Variants in SOBP observed in about 807,000 individuals in gnomAD.
SOBP encodes sine oculis binding protein homolog, also known as sine oculis-binding protein homolog.
SOBP carries 4 observed loss-of-function variants against 53.6 expected under a neutral mutation model. The observed-to-expected ratio is 0.07, with a 90% CI of 0.04 to 0.17. SOBP has a LOEUF of 0.17. Among genes scored for constraint, SOBP ranks in the 10% least tolerant of loss-of-function variants. The pLI is 1.00. For synonymous variants in SOBP, 584 were observed against 522.6 expected (o/e 1.12, Z -1.60); for missense variants, 1,088 against 1,204.7 (o/e 0.90, Z 1.43).
At chr6:107,543,400 A>G (rs1258283196) in intron 4 of SOBP, among the ~76,000 whole-genome samples, 3 of 152,210 alleles carry the variant, frequency 2.0e-5, no homozygotes, top group African/African-American at 7.2e-5. Context: ...GAGTCTTGAA[A>G]TTCATACTCA....
chr6:107,521,381 A>G (rs1053946146), intron 3 of SOBP, among the ~76,000 whole-genome samples: 3 of 152,252 alleles, frequency 2.0e-5, no homozygotes, highest in Admixed American at 6.5e-5. Flanking sequence ...TTAATTTGAG[A>G]AAGCTATGAA....
intron 4 of SOBP, among the ~76,000 whole-genome samples, chr6:107,575,018 C>T (rs1785185744): frequency 6.6e-6 from 1 of 152,218 alleles, no homozygotes; most frequent in African/African-American, 2.4e-5. Context: ...CTCATTGTCA[C>T]CATGCTGCTT....
At chr6:107,616,516 A>G (rs567659785) in intron 5 of SOBP, among the ~76,000 whole-genome samples, 2 of 152,172 alleles carry the variant, frequency 1.3e-5, no homozygotes, top group Non-Finnish European at 2.9e-5. Context: ...GGACTTTTCT[A>G]TTACTGGGGT....
intron 3 of SOBP, chr6:107,529,599 G>A (rs1280267035): frequency 1.0e-6 from 1 of 985,180 alleles, no homozygotes; most frequent in Non-Finnish European, 1.2e-6. Flanking sequence ...GATTTTCTTT[G>A]GGCACTGGTC....
At chr6:107,600,112 G>A (rs574251345) in intron 5 of SOBP, among the ~76,000 whole-genome samples, 7 of 152,226 alleles carry the variant, frequency 4.6e-5, no homozygotes, top group African/African-American at 1.7e-4. Flanking sequence ...CTCTGTCCTG[G>A]CTTTTTTCTT....
intron 4 of SOBP, among the ~76,000 whole-genome samples, chr6:107,549,526 T>C (rs1490114367): frequency 6.6e-6 from 1 of 152,044 alleles, no homozygotes; most frequent in Admixed American, 6.5e-5. Context: ...AAGAAGAAAG[T>C]TAAAGTGCCC....
intron 5 of SOBP, among the ~76,000 whole-genome samples, chr6:107,609,894 G>A (rs1786529296): frequency 6.6e-6 from 1 of 152,102 alleles, no homozygotes; most frequent in Non-Finnish European, 1.5e-5. Flanking sequence ...TAGTCATCTG[G>A]TGCTCTTTCA....
chr6:107,491,641 T>C (rs940833617), intron 1 of SOBP, among the ~76,000 whole-genome samples: 4 of 152,248 alleles, frequency 2.6e-5, no homozygotes, highest in Non-Finnish European at 5.9e-5. Context: ...TTATTCTGTG[T>C]TGATTTCACG....
intron 3 of SOBP, among the ~76,000 whole-genome samples, 179 bp from the exon 4 acceptor site, chr6:107,533,271 CAAAAAAAAA>C (rs762864049): frequency 8.8e-4 from 29 of 32,826 alleles, no homozygotes; most frequent in Admixed American, 2.4e-3. Context: ...ACTTAGGAGC[CAAAAAAAAA>C]AAAAAAAAAA....
In SOBP at chr6:107,633,979, C is replaced by A; in HGVS notation, c.1135C>A (p.Pro379Thr). The part of the protein sequence containing the change: ...PASIGPPLGV[P>T]PRSPPMVMTN... ...TAGCATCGGGCCTCCCCTTGGCGTC[C>A]CGCCTCGGAGCCCTCCCATGGTGAT... The change falls in exon 6 of 7, where the codon CCG (proline) becomes ACG (threonine). Residue 379 changes from proline (P) to threonine (T), a missense_variant. Physicochemically the swap from Pro to Thr is conservative, Grantham distance 38. Around this residue, in one of 6 missense-constraint regions of SOBP, gnomAD observed 211 missense variants for 258.9 expected, o/e 0.82. Transcript: ENST00000317357. The A allele has an allele frequency of 6.2e-7, 1 of 1,614,100 alleles. No individual in the cohort carries two copies. Among genetic ancestry groups the A allele is most frequent in the Non-Finnish European group, 8.5e-7 (1 of 1,180,006 alleles).
At chr6:107,490,837 G>A (rs1769152816) in intron 1 of SOBP, 125 bp downstream of exon 1, 3 of 721,454 alleles carry the variant, frequency 4.2e-6, no homozygotes, top group Non-Finnish European at 7.3e-6. Flanking sequence ...GCCCAGAACG[G>A]CTCCGCTCCT....
chr6:107,573,558 C>T (rs1785138593), intron 4 of SOBP, among the ~76,000 whole-genome samples: 3 of 152,156 alleles, frequency 2.0e-5, no homozygotes, highest in Non-Finnish European at 4.4e-5. Context: ...TCCTTTTCTC[C>T]ATCAGTGGTG....
chr6:107,542,119 T>G (rs1784165503), intron 4 of SOBP, among the ~76,000 whole-genome samples: 2 of 152,072 alleles, frequency 1.3e-5, no homozygotes, highest in Middle Eastern at 3.2e-3. Context: ...AAACATATCT[T>G]TGTAATATGA....
Position 107,634,643 on chromosome 6 carries a change from G to T in SOBP, c.1799G>T (p.Gly600Val). The part of the protein sequence containing the change: ...GSSKSADSPP[G>V]CSGQALSLAP... ...TCCAAGTCCGCGGACTCGCCCCCCG[G>T]CTGCTCGGGCCAGGCCCTGAGCCTG... The change falls in exon 6 of 7, where the codon GGC (glycine) becomes GTC (valine). Residue 600 changes from glycine to valine, a missense_variant. Gly to Val is a moderately radical substitution (Grantham distance 109). Coordinates refer to ENST00000317357, the MANE Select transcript of SOBP (RefSeq NM_018013.4). This position sits in a 1 kb window ranked among gnomAD's most constrained non-coding sequence, Gnocchi z 4.5. The T allele has an allele frequency of 6.4e-7, 1 of 1,571,152 alleles. No homozygotes were observed.
At chr6:107,532,268 CA>C (rs1009948859) in intron 3 of SOBP, among the ~76,000 whole-genome samples, 24 of 148,038 alleles carry the variant, frequency 1.6e-4, no homozygotes, top group African/African-American at 4.8e-4. Flanking sequence ...CACACACACA[CA>C]CACCACACAC....
intron 6 of SOBP, among the ~76,000 whole-genome samples, chr6:107,640,600 T>C (rs1771263996): frequency 6.6e-6 from 1 of 152,160 alleles, no homozygotes; most frequent in Non-Finnish European, 1.5e-5. Flanking sequence ...ATGAATGGTG[T>C]CAAGATTGGC....
intron 4 of SOBP, among the ~76,000 whole-genome samples, chr6:107,583,856 G>A (rs374528843): frequency 1.2e-4 from 19 of 152,276 alleles, no homozygotes; most frequent in Admixed American, 9.1e-4. Flanking sequence ...GAATATTTGC[G>A]TTGTATATAC....
intron 6 of SOBP, among the ~76,000 whole-genome samples, chr6:107,643,981 A>G (rs1054175220): frequency 2.0e-5 from 3 of 152,216 alleles, no homozygotes; most frequent in Non-Finnish European, 4.4e-5. Context: ...CAGCACTCAA[A>G]AGCTAAAGTG....
chr6:107,505,229 G>A (rs968909170), intron 2 of SOBP, among the ~76,000 whole-genome samples: 5 of 152,116 alleles, frequency 3.3e-5, no homozygotes, highest in South Asian at 2.1e-4. Context: ...TGGAGGGCAC[G>A]TTTTAGGCTT....
Sources: allele counts gnomAD v4.1 joint callset (sites outside exome capture counted in the v4.1 genomes callset), GRCh38; gene constraint gnomAD v4.1.1; regional missense constraint gnomAD v4.1.1; non-coding constraint Gnocchi (gnomAD v3.1); transcripts MANE v1.5; gene names NCBI Gene and HGNC (gene_info 2026-07-23, HGNC 2026-07-21).